SYT2: variants seen among roughly 807,000 people sequenced by gnomAD.
SYT2 encodes the protein synaptotagmin-2.
A neutral mutation model predicts 39.9 loss-of-function variants in SYT2; 15 were observed. The ratio of observed to expected loss-of-function variants is 0.38; its 90% confidence interval spans 0.25 to 0.58. SYT2 has a LOEUF of 0.58. Ranked by LOEUF, SYT2 falls within the 20% of genes least tolerant of loss-of-function variation. The pLI is 0.70. For missense variants in SYT2, 389 were observed against 530.3 expected (o/e 0.73, Z 2.62); for synonymous variants, 181 against 204.5 (o/e 0.89, Z 0.98).
chr1:202,637,864 G>A (rs116144792), intron 1 of SYT2, among the ~76,000 whole-genome samples: 5,122 of 152,338 alleles, frequency 0.034, 266 homozygotes, highest in African/African-American at 0.11. Context: ...ACCAGGTTTA[G>A]TCTTGGGTGG....
chr1:202,602,166 GAGAC>G (rs903315911), intron 5 of SYT2, 109 bp from the exon 6 acceptor site: 104 of 1,139,752 alleles, frequency 9.1e-5, no homozygotes, highest in Non-Finnish European at 9.9e-5. Flanking sequence ...TTAGTGTGCC[GAGAC>G]AGACAAAGAC....
At position 202,603,134 on chromosome 1, in the gene SYT2, G is replaced by C. The variant is rs1690576738; in HGVS notation, c.346-16C>G. On this transcript the variant is annotated splice_polypyrimidine_tract_variant and intron_variant, in intron 3 of 8. Transcript: ENST00000367268. ...CGTCGTCATCCTGTGGGAGCTGGGGGAGAGAGGGAACAAGTTAAAAGGGGA... is the reference window on the plus strand; with the variant it reads ...CGTCGTCATCCTGTGGGAGCTGGGGCAGAGAGGGAACAAGTTAAAAGGGGA... The C allele has an allele frequency of 6.2e-7, 1 of 1,613,942 alleles. No homozygotes were observed. Among genetic ancestry groups the C allele is most frequent in the African/African-American group, 1.3e-5 (1 of 75,060 alleles).
At chr1:202,619,332 G>T (rs1324417266) in intron 1 of SYT2, among the ~76,000 whole-genome samples, 1 of 152,174 alleles carries the variant, frequency 6.6e-6, no homozygotes, top group Non-Finnish European at 1.5e-5. Flanking sequence ...ATGAAATGGC[G>T]CCATTAGGTG....
intron 1 of SYT2, among the ~76,000 whole-genome samples, chr1:202,706,933 CTG>C (rs1436583480): frequency 6.6e-6 from 1 of 152,224 alleles, no homozygotes; most frequent in Non-Finnish European, 1.5e-5. Context: ...TTAGAGAAAA[CTG>C]TGCAGACATT....
At chr1:202,607,897 A>G (rs1192504251) in intron 1 of SYT2, among the ~76,000 whole-genome samples, 2 of 152,010 alleles carry the variant, frequency 1.3e-5, no homozygotes, top group East Asian at 1.9e-4. Flanking sequence ...TTTTTAAAAA[A>G]CAGCTTTATT....
chr1:202,674,041 T>A (rs1411951597), intron 1 of SYT2, among the ~76,000 whole-genome samples: 4 of 152,038 alleles, frequency 2.6e-5, no homozygotes, highest in African/African-American at 9.7e-5. Flanking sequence ...AATGTGTGAG[T>A]ATTCTTGTGT....
chr1:202,594,912 C>A lies in SYT2; in HGVS notation c.*1845G>T, dbSNP rs12033827. 27,163 of 152,204 alleles carry A rather than the reference C, an allele frequency of 0.18. 3,822 individuals are homozygous for A. Among genetic ancestry groups the A allele is most frequent in the East Asian group, 0.36 (1,880 of 5,180 alleles). The allele number at this position is 152,204 out of a possible 1,614,324, so 9.4% of individuals were successfully genotyped here. A position where few individuals can be genotyped will look rare whatever the true frequency, so the allele number is the denominator to read the frequency against. ...TAAAATAAAATAAAAAGACACTCTG[C>A]AACTTCTTCACACTGGATCCTCAAA... On this transcript the variant is annotated 3_prime_UTR_variant, in exon 9 of 9. Coordinates refer to ENST00000367268, the MANE Select transcript of SYT2 (RefSeq NM_177402.5).
At chr1:202,697,822 T>C (rs1306012444) in intron 1 of SYT2, among the ~76,000 whole-genome samples, 1 of 152,222 alleles carries the variant, frequency 6.6e-6, no homozygotes, top group Non-Finnish European at 1.5e-5. Flanking sequence ...ATTTGTCAAT[T>C]ACACCTCAAT....
intron 1 of SYT2, among the ~76,000 whole-genome samples, chr1:202,629,802 G>A (rs1691519510): frequency 7.4e-6 from 1 of 135,226 alleles, no homozygotes; most frequent in Non-Finnish European, 1.5e-5. Context: ...CCAGGAGTTT[G>A]ACATTAGGTA....
At chr1:202,651,072 A>C (rs900455630) in intron 1 of SYT2, among the ~76,000 whole-genome samples, 1 of 152,136 alleles carries the variant, frequency 6.6e-6, no homozygotes, top group Admixed American at 6.5e-5. Context: ...CTGCCCACAC[A>C]GGCAACGGGC....
intron 1 of SYT2, among the ~76,000 whole-genome samples, chr1:202,609,939 T>C (rs1196938475): frequency 1.6e-4 from 24 of 152,240 alleles, no homozygotes; most frequent in Admixed American, 1.6e-3. Context: ...GCTTTTGGTG[T>C]TTTAGACGTG....
intron 1 of SYT2, among the ~76,000 whole-genome samples, chr1:202,615,091 G>C (rs1690997715): frequency 1.3e-5 from 2 of 152,178 alleles, no homozygotes; most frequent in African/African-American, 4.8e-5. Flanking sequence ...TCATCCCCGA[G>C]CTCTTATGAA....
Position 202,652,014 on chromosome 1 carries a change from C to T in SYT2, c.-17-46225G>A, listed in dbSNP as rs143085685. On this transcript the variant is annotated intron_variant, in intron 1 of 8. Coordinates refer to ENST00000367268, the MANE Select transcript of SYT2 (RefSeq NM_177402.5). ...CGGAGGTTGCAGTGAGCCGAGATCCCGCCCCTGTACTCCAGCCTGGTGACA... is the reference window on the plus strand; with the variant it reads ...CGGAGGTTGCAGTGAGCCGAGATCCTGCCCCTGTACTCCAGCCTGGTGACA... Among the ~76,000 whole-genome samples the T allele has an allele frequency of 1.8e-3, 272 of 152,306 alleles. 2 individuals carry two copies. The highest frequency in any genetic ancestry group is 4.5e-3 in the African/African-American group (185 of 41,564).
intron 1 of SYT2, among the ~76,000 whole-genome samples, chr1:202,608,071 C>T (rs1289068158): frequency 6.6e-6 from 1 of 152,172 alleles, no homozygotes; most frequent in African/African-American, 2.4e-5. Flanking sequence ...CCATCCTCTT[C>T]CCAGCTCCAG....
Position 202,665,816 on chromosome 1 carries a change from T to A in SYT2, c.-18+44442A>T, listed in dbSNP as rs539149967. 2.0e-5 allele frequency among the ~76,000 whole-genome samples: 3 copies of A among 152,326 alleles called. No individual in the cohort carries two copies. The South Asian group carries it at 6.2e-4, about 32-fold the overall frequency. On this transcript the variant is annotated intron_variant, in intron 1 of 8. Coordinates refer to ENST00000367268, the MANE Select transcript of SYT2 (RefSeq NM_177402.5). ...TTGTTTATTAAATGGAGATTTGTGA[T>A]CATGATTTCTAATTTAAGAAGCAAA... is the stretch of plus-strand genomic sequence containing the variant.
chr1:202,669,401 C>T (rs1692540341), intron 1 of SYT2, among the ~76,000 whole-genome samples: 1 of 151,814 alleles, frequency 6.6e-6, no homozygotes. Flanking sequence ...CCTGTAATCC[C>T]AGCACTTTGG....
At chr1:202,662,673 T>C (rs1408851960) in intron 1 of SYT2, among the ~76,000 whole-genome samples, 1 of 152,168 alleles carries the variant, frequency 6.6e-6, no homozygotes, top group Non-Finnish European at 1.5e-5. Context: ...AGAGACGCTG[T>C]GTGTTATGGT....
At chr1:202,691,450 C>T (rs192253334) in intron 1 of SYT2, among the ~76,000 whole-genome samples, 1 of 151,878 alleles carries the variant, frequency 6.6e-6, no homozygotes, top group East Asian at 1.9e-4. Context: ...GAGTTTAAGA[C>T]CAGACCTGGG....
At position 202,602,585 on chromosome 1, in the gene SYT2, A is replaced by G. The variant is rs770855136; in HGVS notation, c.466-40T>C. 7.6e-6 allele frequency: 12 copies of G among 1,583,014 alleles called. No individual in the cohort carries two copies. The South Asian group carries it at 1.3e-4, about 17-fold the overall frequency. Reference sequence around the variant, plus strand: ...GGGGAGAAGGGGCCTGAGTCTCAGGACTGCTCCAATACCACAACTGGCCCC... The same window carrying G: ...GGGGAGAAGGGGCCTGAGTCTCAGGGCTGCTCCAATACCACAACTGGCCCC... On this transcript the variant is annotated intron_variant, in intron 4 of 8. Transcript: ENST00000367268.
Sources: gnomAD v4.1 joint callset for allele counts (sites outside exome capture counted in the v4.1 genomes callset) on GRCh38, gnomAD v4.1.1 for gene constraint, MANE v1.5 for transcripts, NCBI Gene and HGNC (gene_info 2026-07-23, HGNC 2026-07-21) for gene names.